Variants in RSBN1L observed in about 807,000 individuals in gnomAD.
RSBN1L encodes lysine-specific demethylase RSBN1L.
Under a neutral mutation model 67.7 loss-of-function variants are expected in RSBN1L, and 30 were observed. The ratio of observed to expected loss-of-function variants is 0.44; its 90% CI spans 0.33 to 0.60. RSBN1L has a LOEUF of 0.60. Ranked by LOEUF, RSBN1L falls within the 20% of genes least tolerant of loss-of-function variation. The pLI is 0.02. For missense variants in RSBN1L, 992 were observed against 1,031.7 expected (o/e 0.96, Z 0.53); for synonymous variants, 433 against 387.0 (o/e 1.12, Z -1.39).
chr7:77,718,777 A>G (rs1293260048), intron 1 of RSBN1L, among the ~76,000 whole-genome samples: 2 of 152,232 alleles, frequency 1.3e-5, no homozygotes, highest in African/African-American at 2.4e-5. Context: ...CCATTTTATT[A>G]TATCAGATGA....
rs764756932 is a variant in RSBN1L, at chr7:77,696,593, G to A, written c.124G>A (p.Ala42Thr). The A allele has an allele frequency of 1.9e-6, 3 of 1,613,964 alleles. No homozygotes were observed. Among genetic ancestry groups the A allele is most frequent in the Admixed American group, 1.7e-5 (1 of 60,010 alleles). ...CCGGGACCCTCCGGGTTCTCTGTCCGCCAAGAAGGTCCGGACTGAGGAGAA... is the reference window on the plus strand; with the variant it reads ...CCGGGACCCTCCGGGTTCTCTGTCCACCAAGAAGGTCCGGACTGAGGAGAA... The part of the protein sequence containing the change: ...SSRDPPGSLS[A>T]KKVRTEEKKA... The change falls in exon 1 of 8, where the codon GCC becomes ACC. Residue 42 changes from alanine (A) to threonine (T), a missense_variant. Physicochemically the swap from Ala to Thr is moderately conservative, Grantham distance 58 (BLOSUM62 0). Coordinates refer to ENST00000334955, the MANE Select transcript of RSBN1L (RefSeq NM_198467.3).
chr7:77,705,787 C>T (rs1163803667), intron 1 of RSBN1L, among the ~76,000 whole-genome samples: 3 of 152,110 alleles, frequency 2.0e-5, no homozygotes, highest in African/African-American at 7.2e-5. Context: ...CAGGCATGAG[C>T]CACCACGCCT....
chr7:77,714,168 A>G (rs760996299), intron 1 of RSBN1L, among the ~76,000 whole-genome samples: 2 of 152,222 alleles, frequency 1.3e-5, no homozygotes, highest in African/African-American at 2.4e-5. Context: ...TTTGATATCT[A>G]TAGGGCAAAA....
intron 1 of RSBN1L, 83 bp from the exon 2 acceptor site, chr7:77,736,327 T>G (rs1479546351): frequency 1.6e-6 from 1 of 611,566 alleles, no homozygotes; most frequent in African/African-American, 2.0e-5. Context: ...GTATTGTAAT[T>G]CCAGAAATTT....
At chr7:77,740,388 G>A (rs777830443) in intron 2 of RSBN1L, among the ~76,000 whole-genome samples, 71 of 152,254 alleles carry the variant, frequency 4.7e-4, no homozygotes, top group Non-Finnish European at 9.3e-4. Context: ...TAAGTTTGCT[G>A]GTGAGCAGTT....
In RSBN1L at chr7:77,739,739, C is replaced by CTTT. The variant is rs1173154183; in HGVS notation, c.703+3240_703+3242dup. ...AAAAAAAAAAAAAAAAAAAATGTGT[C>CTTT]TTTTTTTTTTTTTTTTTTTTTTTTT... On this transcript the variant is annotated intron_variant, in intron 2 of 7. Coordinates refer to ENST00000334955, the MANE Select transcript of RSBN1L (RefSeq NM_198467.3). 5.0e-3 allele frequency among the ~76,000 whole-genome samples: 212 copies of CTTT among 42,690 alleles called. 43 individuals carry two copies. Among genetic ancestry groups the CTTT allele is most frequent in the East Asian group, 0.02 (21 of 1,032 alleles). The allele number at this position is 42,690 out of a possible 152,430, so 28.0% of individuals were successfully genotyped here. A position where few individuals can be genotyped will look rare whatever the true frequency, so the allele number is the denominator to read the frequency against.
intron 1 of RSBN1L, among the ~76,000 whole-genome samples, chr7:77,720,763 C>CTTTTTTTTTTTTTT (rs34070122): frequency 8.6e-5 from 9 of 104,368 alleles, no homozygotes; most frequent in African/African-American, 1.2e-4. Context: ...TTTTCTTTTT[C>CTTTTTTTTTTTTTT]TTTTTTTTTT....
intron 1 of RSBN1L, among the ~76,000 whole-genome samples, chr7:77,708,236 T>G (rs559623124): frequency 3.9e-5 from 6 of 151,912 alleles, no homozygotes; most frequent in Non-Finnish European, 5.9e-5. Context: ...TGAATAAGAT[T>G]GTAGAGGCAG....
At position 77,736,468 on chromosome 7, in the gene RSBN1L, A is replaced by G. The variant is rs747390040; in HGVS notation, c.645A>G (p.Lys215=). The G allele has an allele frequency of 1.6e-6, 2 of 1,214,448 alleles. No homozygotes were observed. The highest frequency in any genetic ancestry group is 2.6e-5 in the East Asian group (1 of 38,904). 75.2% of individuals were successfully genotyped at this position (1,214,448 alleles called of 1,614,324 possible). ...RDKEKEREKK[K]HKVMNEIKKE... Reference sequence around the variant, plus strand: ...AAGAAAAAGAAAGAGAAAAAAAGAAACATAAAGTAATGAATGAGATCAAGA... The same window carrying G: ...AAGAAAAAGAAAGAGAAAAAAAGAAGCATAAAGTAATGAATGAGATCAAGA... Residue 215 remains lysine (K), a synonymous_variant, in exon 2 of 8, where the codon AAA becomes AAG. Transcript: ENST00000334955.
intron 3 of RSBN1L, among the ~76,000 whole-genome samples, chr7:77,756,699 A>T (rs1357694651): frequency 1.3e-5 from 2 of 152,116 alleles, no homozygotes; most frequent in Non-Finnish European, 1.5e-5. Flanking sequence ...AATCGCTTGA[A>T]TCCAGGAGGC....
chr7:77,701,029 G>A lies in RSBN1L; in HGVS notation c.586+3974G>A, dbSNP rs571887107. Among the ~76,000 whole-genome samples the A allele has an allele frequency of 4.0e-5, 6 of 151,762 alleles. 1 individual carries two copies. The East Asian group carries it at 9.7e-4, about 24-fold the overall frequency. On this transcript the variant is annotated intron_variant, in intron 1 of 7. Transcript: ENST00000334955. ...AAAAATTAGCCGGGTGTGGCGGCAC[G>A]CACCTATAGTCTCAGCTACCTGGGA...
intron 1 of RSBN1L, among the ~76,000 whole-genome samples, chr7:77,711,309 A>G (rs1304346603): frequency 1.4e-5 from 2 of 147,354 alleles, no homozygotes; most frequent in Non-Finnish European, 3.0e-5. Flanking sequence ...TAAAAAAGAT[A>G]TTTTGCATAT....
chr7:77,772,521 A>G (rs892898627), intron 5 of RSBN1L, among the ~76,000 whole-genome samples: 1 of 152,242 alleles, frequency 6.6e-6, no homozygotes, highest in African/African-American at 2.4e-5. Context: ...GGAGAGGGCC[A>G]GTGGGAAATA....
intron 4 of RSBN1L, among the ~76,000 whole-genome samples, chr7:77,767,817 C>T (rs1340061977): frequency 1.7e-5 from 1 of 59,966 alleles, no homozygotes; most frequent in Non-Finnish European, 3.4e-5. Context: ...TTCCTCTGCC[C>T]CCTCCCCCCT....
intron 1 of RSBN1L, among the ~76,000 whole-genome samples, chr7:77,708,604 G>C (rs762573995): frequency 2.6e-5 from 4 of 151,450 alleles, no homozygotes; most frequent in Non-Finnish European, 5.9e-5. Flanking sequence ...GGATGGTCTC[G>C]ATCTCCTGAC....
chr7:77,713,665 C>CTTT (rs751682740), intron 1 of RSBN1L, among the ~76,000 whole-genome samples: 2 of 144,834 alleles, frequency 1.4e-5, no homozygotes, highest in Non-Finnish European at 3.0e-5. Flanking sequence ...CTCTCTCTTC[C>CTTT]TTTTTTTTTT....
chr7:77,713,957 A>G (rs959835354), intron 1 of RSBN1L, among the ~76,000 whole-genome samples: 1 of 152,210 alleles, frequency 6.6e-6, no homozygotes, highest in African/African-American at 2.4e-5. Context: ...ATCCAAATTA[A>G]TTTTGTTCCA....
chr7:77,707,580 A>G (rs1417858195), intron 1 of RSBN1L, among the ~76,000 whole-genome samples: 1 of 152,236 alleles, frequency 6.6e-6, no homozygotes, highest in Admixed American at 6.5e-5. Context: ...AGCAATGTAT[A>G]GAAAGCAGAT....
chr7:77,720,816 A>G (rs1366104304), intron 1 of RSBN1L, among the ~76,000 whole-genome samples: 1 of 127,368 alleles, frequency 7.9e-6, no homozygotes, highest in South Asian at 2.4e-4. Flanking sequence ...CCCAGGCTCG[A>G]GTGCAGTGGT....
Sources: allele counts gnomAD v4.1 joint callset (sites outside exome capture counted in the v4.1 genomes callset), GRCh38; gene constraint gnomAD v4.1.1; transcripts MANE v1.5; gene names NCBI Gene and HGNC (gene_info 2026-07-23, HGNC 2026-07-21).